APBA1: variants seen among roughly 807,000 people sequenced by gnomAD.
APBA1 encodes the protein amyloid-beta A4 precursor protein-binding family A member 1.
Under a neutral mutation model 86.6 loss-of-function variants are expected in APBA1, and 55 were observed. The ratio of observed to expected loss-of-function variants is 0.64; its 90% CI spans 0.51 to 0.80. The LOEUF is 0.80. APBA1 is among the 30% of genes least tolerant of loss of function. APBA1 has a pLI of 0.00. For synonymous variants in APBA1, 511 were observed against 493.9 expected (o/e 1.03, Z -0.46); for missense variants, 1,090 against 1,183.0 (o/e 0.92, Z 1.15).
At chr9:69,629,016 T>C (rs552957692) in intron 1 of APBA1, among the ~76,000 whole-genome samples, 1 of 152,332 alleles carries the variant, frequency 6.6e-6, no homozygotes, top group African/African-American at 2.4e-5. Flanking sequence ...TTTCTTCATA[T>C]CTTTTTATAG....
chr9:69,444,456 G>T (rs1834875771), intron 10 of APBA1, among the ~76,000 whole-genome samples: 1 of 152,178 alleles, frequency 6.6e-6, no homozygotes, highest in African/African-American at 2.4e-5. Flanking sequence ...CTCAAGTTTT[G>T]TTTCTGCTAC....
chr9:69,642,900 G>A (rs1428406203), intron 1 of APBA1, among the ~76,000 whole-genome samples: 3 of 151,818 alleles, frequency 2.0e-5, no homozygotes, highest in Non-Finnish European at 4.4e-5. Context: ...CTTCCAGCTT[G>A]CTCTGTGGAT....
chr9:69,526,342 C>G (rs987886579), intron 1 of APBA1, among the ~76,000 whole-genome samples: 2 of 152,034 alleles, frequency 1.3e-5, no homozygotes, highest in Non-Finnish European at 1.5e-5. Flanking sequence ...GGTCTAAAAT[C>G]CAGAATCTAT....
chr9:69,636,418 T>C (rs910457963), intron 1 of APBA1, among the ~76,000 whole-genome samples: 9 of 152,274 alleles, frequency 5.9e-5, no homozygotes, highest in South Asian at 4.1e-4. Context: ...AAAAAGGAAA[T>C]TGGCATATCA....
Position 69,516,977 on chromosome 9 carries a change from T to A in APBA1, c.234A>T (p.Ser78=). The change falls in exon 2 of 13, where the codon TCA becomes TCT. Residue 78 remains serine, a synonymous_variant. Transcript: ENST00000265381. This position sits in a 1 kb window ranked among gnomAD's most constrained non-coding sequence, Gnocchi z 7.3. ...EEERGECLAR[S]ASTESGFHNH... is the part of the protein sequence containing the mutation. ...TGTGGAAGCCGCTCTCCGTGCTGGC[T>A]GAGCGCGCCAGGCATTCCCCGCGCT... 6.3e-7 allele frequency: 1 copy of A among 1,588,832 alleles called. No homozygotes were observed. The highest frequency in any genetic ancestry group is 8.5e-7 in the Non-Finnish European group (1 of 1,174,504).
At chr9:69,536,728 A>AT (rs1836517377) in intron 1 of APBA1, among the ~76,000 whole-genome samples, 1 of 149,282 alleles carries the variant, frequency 6.7e-6, no homozygotes, top group South Asian at 2.1e-4. Context: ...AAAAAAAAAA[A>AT]AATTAGACAG....
intron 1 of APBA1, among the ~76,000 whole-genome samples, chr9:69,663,289 A>G (rs936582403): frequency 6.6e-6 from 1 of 152,228 alleles, no homozygotes; most frequent in Non-Finnish European, 1.5e-5. Flanking sequence ...ACATTCATCT[A>G]TGTTGCTAGC....
intron 1 of APBA1, among the ~76,000 whole-genome samples, chr9:69,611,662 T>C (rs1244238684): frequency 1.3e-5 from 2 of 152,226 alleles, no homozygotes; most frequent in Admixed American, 1.3e-4. Context: ...GATCCAACTG[T>C]CTTATCAACT....
intron 1 of APBA1, among the ~76,000 whole-genome samples, chr9:69,562,073 T>C (rs1836954906): frequency 6.6e-6 from 1 of 152,236 alleles, no homozygotes; most frequent in Non-Finnish European, 1.5e-5. Context: ...GCAGTTGGAC[T>C]GACTTGGTGT....
chr9:69,623,365 T>G (rs1477964691), intron 1 of APBA1, among the ~76,000 whole-genome samples: 1 of 152,122 alleles, frequency 6.6e-6, no homozygotes, highest in African/African-American at 2.4e-5. Flanking sequence ...TTTCTTTTTT[T>G]TTTTAAAGAC....
intron 2 of APBA1, among the ~76,000 whole-genome samples, chr9:69,493,540 C>T (rs971344663): frequency 6.6e-6 from 1 of 152,048 alleles, no homozygotes; most frequent in Non-Finnish European, 1.5e-5. Context: ...CTCACTGTCT[C>T]CCTTCTATTT....
At chr9:69,448,439 A>T (rs2133804697) in intron 10 of APBA1, among the ~76,000 whole-genome samples, 1 of 152,350 alleles carries the variant, frequency 6.6e-6, no homozygotes, top group East Asian at 1.9e-4. Flanking sequence ...TTTAAGTATA[A>T]GATATAAGAA....
At chr9:69,459,184 T>C (rs1835150750) in intron 5 of APBA1, among the ~76,000 whole-genome samples, 1 of 152,242 alleles carries the variant, frequency 6.6e-6, no homozygotes, top group South Asian at 2.1e-4. Flanking sequence ...TCTTTTGAAA[T>C]ATGCTGAGGC....
At chr9:69,470,720 C>A (rs1431420463) in intron 4 of APBA1, among the ~76,000 whole-genome samples, 2 of 152,180 alleles carry the variant, frequency 1.3e-5, no homozygotes, top group East Asian at 1.9e-4. Context: ...GATGTCTGGG[C>A]GTTCTCTGGC....
chr9:69,568,894 C>G (rs1215048492), intron 1 of APBA1, among the ~76,000 whole-genome samples: 1 of 152,146 alleles, frequency 6.6e-6, no homozygotes, highest in African/African-American at 2.4e-5. Context: ...AACAGTGGCT[C>G]TATTACTTCC....
chr9:69,545,407 T>G (rs920076256), intron 1 of APBA1, among the ~76,000 whole-genome samples: 1 of 152,204 alleles, frequency 6.6e-6, no homozygotes, highest in Non-Finnish European at 1.5e-5. Flanking sequence ...CACTTCCCAA[T>G]TCTTTATATC....
At chr9:69,495,607 G>C (rs139096274) in intron 2 of APBA1, among the ~76,000 whole-genome samples, 3 of 152,012 alleles carry the variant, frequency 2.0e-5, no homozygotes, top group Admixed American at 6.5e-5. Flanking sequence ...GTCACTGCTG[G>C]GCATCAGCAG....
At position 69,428,554 on chromosome 9, in the gene APBA1, G is replaced by C. The variant is rs1272468696; in HGVS notation, c.*2773C>G. The C allele has an allele frequency of 6.6e-6, 1 of 152,260 alleles. No individual in the cohort carries two copies. Among genetic ancestry groups the C allele is most frequent in the African/African-American group, 2.4e-5 (1 of 41,462 alleles). 9.4% of individuals were successfully genotyped at this position (152,260 alleles called of 1,614,324 possible). ...CAAAGCTGAGCCACCAGCACACCCT[G>C]GTGGAGCAGCCACAGCAGCTCTGTG... On this transcript the variant is annotated 3_prime_UTR_variant, in exon 13 of 13. Transcript: ENST00000265381.
chr9:69,664,166 A>G (rs549685248), intron 1 of APBA1, among the ~76,000 whole-genome samples: 1 of 152,356 alleles, frequency 6.6e-6, no homozygotes, highest in South Asian at 2.1e-4. Context: ...AGATAGGGAT[A>G]CTTCTGAAGG....
Sources: gnomAD v4.1 joint callset for allele counts (sites outside exome capture counted in the v4.1 genomes callset) on GRCh38, gnomAD v4.1.1 for gene constraint, Gnocchi (gnomAD v3.1) non-coding constraint, MANE v1.5 for transcripts, NCBI Gene and HGNC (gene_info 2026-07-23, HGNC 2026-07-21) for gene names.